SPTLC2: variants seen among roughly 807,000 people sequenced by gnomAD.
SPTLC2 encodes serine palmitoyltransferase long chain base subunit 2.
Under a neutral mutation model 62.0 loss-of-function variants are expected in SPTLC2, and 21 were observed. The observed-to-expected ratio is 0.34, with a 90% CI of 0.24 to 0.49. The LOEUF is 0.49. Ranked by LOEUF, SPTLC2 falls within the 20% of genes least tolerant of loss-of-function variation. The pLI, the probability that SPTLC2 is intolerant of heterozygous loss-of-function variation, is 0.99. For missense variants in SPTLC2, 511 were observed against 713.0 expected, an observed-to-expected ratio of 0.72 and a Z score of 3.23; for synonymous variants, 261 against 261.8, an observed-to-expected ratio of 1.00 and a Z score of 0.03.
chr14:77,613,713 C>A lies in SPTLC2; in HGVS notation c.132+2735G>T, dbSNP rs553744253. Among the ~76,000 whole-genome samples the A allele has an allele frequency of 1.2e-3, 183 of 152,264 alleles. 1 individual carries two copies. The highest frequency in any genetic ancestry group is 2.0e-3 in the Non-Finnish European group (137 of 68,034). On this transcript the variant is annotated intron_variant, in intron 1 of 11. Coordinates refer to ENST00000216484, the MANE Select transcript of SPTLC2 (RefSeq NM_004863.4). ...ATTTACATCTCAACAATGTTATACT[C>A]TAAATTCATATTTTAGTAAAAGCAT...
rs562023021 is a variant in SPTLC2 at position 77,538,247 on chromosome 14, G to C, written c.1303+13849C>G. On this transcript the variant is annotated intron_variant, in intron 9 of 11. Coordinates refer to ENST00000216484, the MANE Select transcript of SPTLC2 (RefSeq NM_004863.4). ...CACATCACCCAGTAATTATCATCCA[G>C]GTGAGGCAAATTACCTTTGCAAATC... Among the ~76,000 whole-genome samples, 168 of 152,228 alleles carry C rather than the reference G, an allele frequency of 1.1e-3. 6 individuals are homozygous for C. In the South Asian group the frequency reaches 0.034, roughly 31 times the overall value.
Position 77,611,860 on chromosome 14 carries a change from A to C in SPTLC2, c.132+4588T>G, listed in dbSNP as rs115095431. Among the ~76,000 whole-genome samples, 1,181 of 152,310 alleles carry C rather than the reference A, an allele frequency of 7.8e-3. 11 individuals carry two copies. The highest frequency in any genetic ancestry group is 0.027 in the African/African-American group (1,131 of 41,568). ...AAAACCTAACGCAGAGATTATCTCA[A>C]TGTTTTATGATCCCACATTAAACAT... On this transcript the variant is annotated intron_variant, in intron 1 of 11. Transcript: ENST00000216484.
At chr14:77,590,607 G>C (rs2079810527) in intron 2 of SPTLC2, among the ~76,000 whole-genome samples, 1 of 152,182 alleles carries the variant, frequency 6.6e-6, no homozygotes, top group African/African-American at 2.4e-5. Context: ...AGCCACTCTG[G>C]AGGCTGAGGC....
chr14:77,519,888 C>CTT (rs58938174), intron 10 of SPTLC2, among the ~76,000 whole-genome samples: 38,084 of 150,236 alleles, frequency 0.25, 5,278 homozygotes, highest in African/African-American at 0.37. Context: ...TTCTCTAAAT[C>CTT]TTTTTTTTTT....
chr14:77,573,128 A>G (rs899877722), intron 4 of SPTLC2, among the ~76,000 whole-genome samples: 1 of 152,122 alleles, frequency 6.6e-6, no homozygotes, highest in Non-Finnish European at 1.5e-5. Context: ...TCCTCACTAA[A>G]TTTAATCTCA....
At chr14:77,593,542 G>A (rs2079830408) in intron 2 of SPTLC2, among the ~76,000 whole-genome samples, 1 of 152,134 alleles carries the variant, frequency 6.6e-6, no homozygotes, top group Admixed American at 6.5e-5. Context: ...AATAACAGAG[G>A]ATTAAGGGGT....
At chr14:77,596,157 A>G (rs961889309) in intron 2 of SPTLC2, among the ~76,000 whole-genome samples, 1 of 152,060 alleles carries the variant, frequency 6.6e-6, no homozygotes, top group Non-Finnish European at 1.5e-5. Context: ...CTAACACAGT[A>G]AAACCCCGTC....
At position 77,570,396 on chromosome 14, in the gene SPTLC2, A is replaced by G; in HGVS notation, c.744T>C (p.Ala248=). 1 of 1,613,488 alleles carries G rather than the reference A, an allele frequency of 6.2e-7. No homozygotes were observed. The highest frequency in any genetic ancestry group is 8.5e-7 in the Non-Finnish European group (1 of 1,179,972). ...GFATNSMNIP[A]LVGKGCLILS... is the part of the protein sequence containing the mutation. ...CAGAGTATCTTACTTTGCCAACAAG[A>G]GCAGGAATGTTCATTGAATTCGTTG... Residue 248 remains alanine (A), a synonymous_variant, in exon 5 of 12, where the codon GCT becomes GCC. Transcript: ENST00000216484.
chr14:77,531,493 T>C lies in SPTLC2; in HGVS notation c.1304-9912A>G, dbSNP rs1235856716. On this transcript the variant is annotated intron_variant, in intron 9 of 11. Transcript: ENST00000216484. ...CTCCTCCCCCTCCCCCTCCTCCTCC[T>C]CCTCCTCCTCCTCCTCTTCTTCTTC... 2.3e-3 allele frequency among the ~76,000 whole-genome samples: 157 copies of C among 69,130 alleles called. 1 individual carries two copies. Among genetic ancestry groups the C allele is most frequent in the African/African-American group, 6.2e-3 (99 of 15,872 alleles). The allele number at this position is 69,130 out of a possible 152,430, so 45.4% of individuals were successfully genotyped here.
chr14:77,615,880 C>G (rs1393833603), intron 1 of SPTLC2, among the ~76,000 whole-genome samples: 1 of 152,152 alleles, frequency 6.6e-6, no homozygotes, highest in Non-Finnish European at 1.5e-5. Flanking sequence ...TTTCGAGGGA[C>G]CAGCTTGGAT....
At chr14:77,605,794 G>T (rs2079901782) in intron 1 of SPTLC2, among the ~76,000 whole-genome samples, 1 of 152,200 alleles carries the variant, frequency 6.6e-6, no homozygotes, top group South Asian at 2.1e-4. Flanking sequence ...AAACCAAAGT[G>T]AAATTAAGCA....
intron 11 of SPTLC2, among the ~76,000 whole-genome samples, chr14:77,517,159 C>T (rs1229791104): frequency 6.6e-6 from 1 of 152,120 alleles, no homozygotes; most frequent in Admixed American, 6.5e-5. Context: ...GGCAGAATTG[C>T]TTGAACCCAG....
intron 2 of SPTLC2, among the ~76,000 whole-genome samples, chr14:77,587,402 A>T (rs116589910): frequency 0.019 from 2,869 of 152,274 alleles, 94 homozygotes; most frequent in African/African-American, 0.063. Context: ...AAATGCATAT[A>T]TCAGAACATT....
chr14:77,509,871 T>G lies in SPTLC2; in HGVS notation c.*2413A>C, dbSNP rs543923827. ...AATTACACTTATCTTGAAATAACTT[T>G]GTACCAACAAAGTGATATAGATATA... On this transcript the variant is annotated 3_prime_UTR_variant, in exon 12 of 12. Transcript: ENST00000216484. 1.0e-4 allele frequency: 40 copies of G among 398,296 alleles called. 1 individual carries two copies. In the South Asian group the frequency reaches 1.8e-3, roughly 18 times the overall value. The allele number at this position is 398,296 out of a possible 1,614,324, so 24.7% of individuals were successfully genotyped here. A position where few individuals can be genotyped will look rare whatever the true frequency, so the allele number is the denominator to read the frequency against.
chr14:77,517,312 A>C (rs2079364110), intron 11 of SPTLC2, among the ~76,000 whole-genome samples: 1 of 152,266 alleles, frequency 6.6e-6, no homozygotes, highest in African/African-American at 2.4e-5. Flanking sequence ...AATTTTATGC[A>C]AATGTCATGT....
At chr14:77,539,810 T>G (rs1256512623) in intron 9 of SPTLC2, among the ~76,000 whole-genome samples, 1 of 152,028 alleles carries the variant, frequency 6.6e-6, no homozygotes, top group African/African-American at 2.4e-5. Context: ...CTTTTGAAGC[T>G]ATATGTTATT....
chr14:77,535,942 A>G, intron 9 of SPTLC2: 1 of 455,548 alleles, frequency 2.2e-6, no homozygotes, highest in Non-Finnish European at 4.4e-6. Flanking sequence ...TACAGGGGAT[A>G]AAGGAGAGAA....
intron 5 of SPTLC2, among the ~76,000 whole-genome samples, chr14:77,568,993 G>A (rs887532561): frequency 5.3e-5 from 8 of 152,124 alleles, no homozygotes; most frequent in Non-Finnish European, 5.9e-5. Flanking sequence ...TTGAGCAGTA[G>A]GATATAAATA....
At chr14:77,570,341 A>T (rs1212071083) in intron 5 of SPTLC2, 43 bp downstream of exon 5, 1 of 1,608,384 alleles carries the variant, frequency 6.2e-7, no homozygotes, top group Admixed American at 1.7e-5. Flanking sequence ...AAACAAAAGA[A>T]GATATACATG....
Sources: allele counts gnomAD v4.1 joint callset (sites outside exome capture counted in the v4.1 genomes callset), GRCh38; gene constraint gnomAD v4.1.1; transcripts MANE v1.5; gene names NCBI Gene and HGNC (gene_info 2026-07-23, HGNC 2026-07-21).